The following AIM2 variants were observed in gnomAD, a reference collection of about 807,000 sequenced individuals.
AIM2 encodes interferon-inducible protein AIM2.
AIM2 carries 30 observed loss-of-function variants against 27.7 expected under a neutral mutation model. The ratio of observed to expected loss-of-function variants is 1.08; its 90% confidence interval spans 0.81 to 1.47. The LOEUF is 1.47. Ranked by LOEUF, AIM2 falls within the 40% of genes most tolerant of loss-of-function variation. AIM2 has a pLI of 0.00. For synonymous variants in AIM2, 141 were observed against 145.3 expected, an observed-to-expected ratio of 0.97 and a Z score of 0.21; for missense variants, 358 against 411.3, an observed-to-expected ratio of 0.87 and a Z score of 1.12.
In AIM2 at chr1:159,068,675, T is replaced by G; in HGVS notation, c.289A>C (p.Lys97Gln). 3.1e-6 allele frequency: 5 copies of G among 1,613,944 alleles called. No homozygotes were observed. In the South Asian group the frequency reaches 5.5e-5, roughly 18 times the overall value. ...TCAGCTTGACTTAGTGGCTTTGGTT[T>G]TGTTACCGATTTGTATTGCTTATCA... is the stretch of plus-strand genomic sequence containing the variant. ...KVDKQYKSVT[K>Q]PKPLSQAEMS... Residue 97 changes from lysine to glutamine, a missense_variant, in exon 3 of 6, where the codon AAA (lysine) becomes CAA (glutamine). Lys to Gln is a moderately conservative substitution (Grantham distance 53, BLOSUM62 1). Transcript: ENST00000368130.
At chr1:159,126,794 A>G (rs1169287937) in intron 1 of AIM2, among the ~76,000 whole-genome samples, 1 of 152,198 alleles carries the variant, frequency 6.6e-6, no homozygotes, top group East Asian at 1.9e-4. Context: ...GAGATATAAG[A>G]TTATTCCAAC....
chr1:159,111,787 G>A lies in AIM2; in HGVS notation c.-16+28644C>T, dbSNP rs540824292. ...AGGCCTGGCCAACATGTTGAAACCC[G>A]TCTCTACAAAAAAAAAAAAAAAAAA... On this transcript the variant is annotated intron_variant, in intron 1 of 2. Coordinates refer to the AIM2 transcript ENST00000368129. 5.5e-4 allele frequency among the ~76,000 whole-genome samples: 74 copies of A among 133,868 alleles called. No homozygotes were observed. The South Asian group carries it at 0.012, about 21-fold the overall frequency. The allele number at this position is 133,868 out of a possible 152,430, so 87.8% of individuals were successfully genotyped here. A position where few individuals can be genotyped will look rare whatever the true frequency, so the allele number is the denominator to read the frequency against.
chr1:159,143,123 A>G (rs1464143003), upstream of AIM2, among the ~76,000 whole-genome samples: 1 of 152,200 alleles, frequency 6.6e-6, no homozygotes, highest in East Asian at 1.9e-4. Context: ...TTAGATTAGA[A>G]AACCCTTAAG....
chr1:159,115,168 T>G (rs1028036659), intron 1 of AIM2, among the ~76,000 whole-genome samples: 2 of 151,964 alleles, frequency 1.3e-5, no homozygotes, highest in African/African-American at 4.8e-5. Context: ...AAACCACTGC[T>G]CAACGAAATA....
upstream of AIM2, among the ~76,000 whole-genome samples, chr1:159,142,935 A>C (rs1480076542): frequency 6.6e-6 from 1 of 152,108 alleles, no homozygotes; most frequent in African/African-American, 2.4e-5. Context: ...TCCTCATCAA[A>C]AGGTTACAAT....
intron 4 of AIM2, among the ~76,000 whole-genome samples, chr1:159,064,902 A>G (rs1378312837): frequency 6.6e-6 from 1 of 152,260 alleles, no homozygotes; most frequent in Non-Finnish European, 1.5e-5. Flanking sequence ...GAGGTTGGTC[A>G]GTTATTTAGG....
chr1:159,129,267 G>A (rs1339793502), intron 1 of AIM2, among the ~76,000 whole-genome samples: 2 of 152,176 alleles, frequency 1.3e-5, no homozygotes, highest in Non-Finnish European at 2.9e-5. Context: ...TCTTGACCTT[G>A]ATTTTGGACT....
intron 1 of AIM2, among the ~76,000 whole-genome samples, chr1:159,128,661 A>T (rs968459495): frequency 6.6e-5 from 10 of 151,882 alleles, no homozygotes; most frequent in African/African-American, 2.4e-4. Context: ...CAGGATCTAG[A>T]TACTTTAACT....
intron 1 of AIM2, among the ~76,000 whole-genome samples, chr1:159,127,812 G>A (rs188964022): frequency 1.3e-3 from 197 of 152,272 alleles, no homozygotes; most frequent in African/African-American, 4.6e-3. Context: ...AGAACTGTGA[G>A]AAATAAATTT....
At chr1:159,068,527 C>A in intron 3 of AIM2, 41 bp downstream of exon 3, 2 of 1,554,504 alleles carry the variant, frequency 1.3e-6, no homozygotes, top group South Asian at 1.2e-5. Flanking sequence ...GACAGTGATG[C>A]TCTTACAAGG....
chr1:159,070,386 G>A (rs1656301818), intron 2 of AIM2, among the ~76,000 whole-genome samples: 1 of 152,158 alleles, frequency 6.6e-6, no homozygotes, highest in African/African-American at 2.4e-5. Flanking sequence ...CCTCACTAAT[G>A]CCTACAAAAT....
intron 1 of AIM2, among the ~76,000 whole-genome samples, chr1:159,126,648 C>CA (rs35354479): frequency 0.32 from 36,238 of 113,614 alleles, 6,026 homozygotes; most frequent in African/African-American, 0.39. Flanking sequence ...GACTACGTCT[C>CA]AAAAAAAAAA....
Position 159,087,784 on chromosome 1 carries a change from G to C in AIM2, c.-15-21455C>G, listed in dbSNP as rs542253318. Among the ~76,000 whole-genome samples the C allele has an allele frequency of 1.7e-3, 258 of 152,052 alleles. 1 individual carries two copies. The highest frequency in any genetic ancestry group is 2.8e-3 in the Non-Finnish European group (193 of 67,978). On this transcript the variant is annotated intron_variant, in intron 1 of 2. Transcript: ENST00000368129. ...GACGGGGTTTCACCACGTTGGCCAG[G>C]CTAGTCTTGAGCTCCTGACCTCAAG... is the stretch of plus-strand genomic sequence containing the variant.
chr1:159,077,322 C>T (rs540314890), upstream of AIM2, among the ~76,000 whole-genome samples: 18 of 152,298 alleles, frequency 1.2e-4, no homozygotes, highest in African/African-American at 4.1e-4. Context: ...AATGGGCGGG[C>T]AATTCCCGGA....
intron 3 of AIM2, among the ~76,000 whole-genome samples, chr1:159,067,185 G>A (rs1656140929): frequency 6.6e-6 from 1 of 152,108 alleles, no homozygotes. Flanking sequence ...GGATAAATAA[G>A]CAGTTAAAGC....
At chr1:159,136,762 C>G (rs3026930) in intron 1 of AIM2, among the ~76,000 whole-genome samples, 2,976 of 152,198 alleles carry the variant, frequency 0.02, 110 homozygotes, top group African/African-American at 0.068. Context: ...TACATATAAG[C>G]AAAATGAACA....
chr1:159,114,102 T>G (rs1053310244), intron 1 of AIM2, among the ~76,000 whole-genome samples: 2 of 152,346 alleles, frequency 1.3e-5, no homozygotes, highest in African/African-American at 4.8e-5. Flanking sequence ...GAGCTCTTCC[T>G]TTGTTTCCCA....
At position 159,146,732 on chromosome 1, in the gene AIM2, C is replaced by T. The variant is rs549896919; in HGVS notation, n.87+278G>A. 3.6e-3 allele frequency among the ~76,000 whole-genome samples: 554 copies of T among 152,208 alleles called. 1 individual carries two copies. The highest frequency in any genetic ancestry group is 5.4e-3 in the Non-Finnish European group (368 of 68,002). Reference sequence around the variant, plus strand: ...GCCCACTGCTCTTCTCTGTCTCTGCCCCCCTTAGCCATCAACCTCAAGGCA... The same window carrying T: ...GCCCACTGCTCTTCTCTGTCTCTGCTCCCCTTAGCCATCAACCTCAAGGCA... On this transcript the variant is annotated intron_variant and non_coding_transcript_variant, in intron 1 of 6. Transcript: ENST00000411768.
At chr1:159,112,326 C>A (rs922989582) in intron 1 of AIM2, among the ~76,000 whole-genome samples, 2 of 152,148 alleles carry the variant, frequency 1.3e-5, no homozygotes, top group Non-Finnish European at 2.9e-5. Context: ...CAAATAGCTT[C>A]ATTAAAGACA....
Sources: allele counts gnomAD v4.1 joint callset (sites outside exome capture counted in the v4.1 genomes callset), GRCh38; gene constraint gnomAD v4.1.1; transcripts MANE v1.5; gene names NCBI Gene and HGNC (gene_info 2026-07-23, HGNC 2026-07-21).